Variants in COL21A1 observed in about 807,000 individuals in gnomAD.
COL21A1 encodes collagen alpha-1(XXI) chain.
In COL21A1, 149 loss-of-function variants were observed where a neutral mutation model predicts 137.9. The ratio of observed to expected loss-of-function variants is 1.08; its 90% confidence interval spans 0.95 to 1.24. The LOEUF (loss-of-function observed/expected upper bound fraction) is 1.24. Among genes scored for constraint, COL21A1 ranks in the 50% most tolerant of loss-of-function variants. The pLI is 0.00. For synonymous variants in COL21A1, 456 were observed against 391.5 expected, an observed-to-expected ratio of 1.16 and a Z score of -1.95; for missense variants, 1,167 against 1,158.4, an observed-to-expected ratio of 1.01 and a Z score of -0.11.
chr6:56,348,167 A>G (rs1765635315), intron 1 of COL21A1, among the ~76,000 whole-genome samples: 1 of 152,208 alleles, frequency 6.6e-6, no homozygotes, highest in East Asian at 1.9e-4. Flanking sequence ...CATGTGCTTT[A>G]GCATGTAGGA....
At chr6:56,130,419 A>G (rs1298936518) in intron 12 of COL21A1, among the ~76,000 whole-genome samples, 1 of 151,826 alleles carries the variant, frequency 6.6e-6, no homozygotes, top group African/African-American at 2.4e-5. Context: ...AGGTAGAGCT[A>G]GACTAAGATA....
At chr6:56,072,908 G>A (rs1469113202) in intron 20 of COL21A1, among the ~76,000 whole-genome samples, 1 of 151,398 alleles carries the variant, frequency 6.6e-6, no homozygotes, top group Admixed American at 6.6e-5. Context: ...ACAAGATGCA[G>A]AAAACCAACT....
chr6:56,131,076 G>A (rs573388103), intron 12 of COL21A1, among the ~76,000 whole-genome samples: 76 of 152,202 alleles, frequency 5.0e-4, no homozygotes, highest in Non-Finnish European at 9.0e-4. Flanking sequence ...TTAGAAATAG[G>A]AGGCTGCCAA....
intron 1 of COL21A1, among the ~76,000 whole-genome samples, chr6:56,344,054 A>T (rs1472272543): frequency 6.6e-6 from 1 of 152,244 alleles, no homozygotes; most frequent in Non-Finnish European, 1.5e-5. Context: ...TTCAAAATTC[A>T]AATTTGCCTT....
intron 1 of COL21A1, among the ~76,000 whole-genome samples, chr6:56,270,008 A>C (rs747744642): frequency 4.6e-5 from 7 of 152,212 alleles, no homozygotes; most frequent in Non-Finnish European, 7.3e-5. Flanking sequence ...AAACACTATA[A>C]AGCAACTACA....
chr6:56,110,385 C>T (rs1771317895), intron 16 of COL21A1, among the ~76,000 whole-genome samples: 1 of 150,588 alleles, frequency 6.6e-6, no homozygotes, highest in East Asian at 2.0e-4. Flanking sequence ...CAACAACTAA[C>T]ATTCAATGTT....
At chr6:56,127,153 C>T (rs1773112009) in intron 12 of COL21A1, among the ~76,000 whole-genome samples, 1 of 152,186 alleles carries the variant, frequency 6.6e-6, no homozygotes, top group South Asian at 2.1e-4. Flanking sequence ...GCATCCAACA[C>T]CTCCTCCCCA....
chr6:56,378,844 G>T (rs2094004194), intron 1 of COL21A1, among the ~76,000 whole-genome samples: 1 of 152,202 alleles, frequency 6.6e-6, no homozygotes, highest in Non-Finnish European at 1.5e-5. Context: ...GAGTGCTTGT[G>T]TCACTCCACC....
chr6:56,232,889 G>A (rs528331985), intron 1 of COL21A1, among the ~76,000 whole-genome samples: 5 of 151,980 alleles, frequency 3.3e-5, no homozygotes, highest in East Asian at 1.9e-4. Context: ...GATTAACACT[G>A]AATGGGATAC....
chr6:56,356,071 A>C (rs1017685208), intron 1 of COL21A1, among the ~76,000 whole-genome samples: 3 of 152,110 alleles, frequency 2.0e-5, no homozygotes, highest in Non-Finnish European at 4.4e-5. Flanking sequence ...GTTCTAATTA[A>C]ATTTCTGTCA....
At chr6:56,214,173 A>G (rs1370941884) in intron 1 of COL21A1, among the ~76,000 whole-genome samples, 2 of 152,070 alleles carry the variant, frequency 1.3e-5, no homozygotes, top group Admixed American at 6.6e-5. Context: ...ATGATAAAGG[A>G]GAAAACACAA....
At chr6:56,167,828 T>A (rs544680688) in intron 6 of COL21A1, among the ~76,000 whole-genome samples, 2 of 152,202 alleles carry the variant, frequency 1.3e-5, no homozygotes, top group African/African-American at 4.8e-5. Flanking sequence ...AATTTATTAC[T>A]TAAACTATGT....
intron 1 of COL21A1, among the ~76,000 whole-genome samples, chr6:56,295,852 T>C (rs922567028): frequency 6.6e-6 from 1 of 151,970 alleles, no homozygotes; most frequent in African/African-American, 2.4e-5. Context: ...TTCCTTGGGA[T>C]TTTCCACATA....
chr6:56,355,743 T>C (rs1031566259), intron 1 of COL21A1, among the ~76,000 whole-genome samples: 1 of 152,212 alleles, frequency 6.6e-6, no homozygotes, highest in Non-Finnish European at 1.5e-5. Flanking sequence ...ATATGAATGA[T>C]GCAGGATAAA....
intron 1 of COL21A1, among the ~76,000 whole-genome samples, chr6:56,199,095 C>T (rs557883281): frequency 2.8e-4 from 42 of 151,936 alleles, no homozygotes; most frequent in African/African-American, 9.2e-4. Flanking sequence ...TGCAATTCAC[C>T]TGCAGAATTG....
intron 1 of COL21A1, among the ~76,000 whole-genome samples, chr6:56,298,284 T>C (rs1582764067): frequency 1.3e-5 from 2 of 152,064 alleles, no homozygotes; most frequent in Non-Finnish European, 2.9e-5. Flanking sequence ...ATTTTAGATA[T>C]ATTTAACTAT....
chr6:56,317,664 A>G (rs1764768088), intron 1 of COL21A1, among the ~76,000 whole-genome samples: 1 of 152,140 alleles, frequency 6.6e-6, no homozygotes, highest in Non-Finnish European at 1.5e-5. Context: ...GAATCCCTTC[A>G]TAATCTCAAT....
At chr6:56,155,895 G>A (rs1475225229) in intron 10 of COL21A1, among the ~76,000 whole-genome samples, 1 of 152,190 alleles carries the variant, frequency 6.6e-6, no homozygotes, top group Admixed American at 6.5e-5. Flanking sequence ...GAGCCACCAT[G>A]CCCAGCCAAA....
At chr6:56,097,487 G>A (rs541427084) in intron 17 of COL21A1, among the ~76,000 whole-genome samples, 1 of 151,686 alleles carries the variant, frequency 6.6e-6, no homozygotes, top group South Asian at 2.1e-4. Context: ...CCTCACCACT[G>A]AAGCTAAACA....
Sources: gnomAD v4.1 joint callset for allele counts (sites outside exome capture counted in the v4.1 genomes callset) on GRCh38, gnomAD v4.1.1 for gene constraint, MANE v1.5 for transcripts, NCBI Gene and HGNC (gene_info 2026-07-23, HGNC 2026-07-21) for gene names.